Variants in ATG4D observed in about 807,000 individuals in gnomAD.
The protein encoded by ATG4D is cysteine protease ATG4D.
ATG4D carries 51 observed loss-of-function variants against 55.2 expected under a neutral mutation model. The ratio of observed to expected loss-of-function variants is 0.92; its 90% CI spans 0.74 to 1.17. ATG4D has a LOEUF of 1.17. ATG4D is among the 50% of genes most tolerant of loss of function. The pLI is 0.00. For missense variants in ATG4D, 635 were observed against 649.6 expected (o/e 0.98, Z 0.25); for synonymous variants, 268 against 266.2 (o/e 1.01, Z -0.07).
Position 10,544,320 on chromosome 19 carries a change from A to G in ATG4D, c.230A>G (p.Lys77Arg). 3 of 1,317,930 alleles carry G rather than the reference A, an allele frequency of 2.3e-6. No individual in the cohort carries two copies. Among genetic ancestry groups the G allele is most frequent in the Non-Finnish European group, 2.9e-6 (3 of 1,025,492 alleles). The allele number at this position is 1,317,930 out of a possible 1,614,324, so 81.6% of individuals were successfully genotyped here. A position where few individuals can be genotyped will look rare whatever the true frequency, so the allele number is the denominator to read the frequency against. Residue 77 changes from lysine (K) to arginine (R), a missense_variant, in exon 1 of 10, where the codon AAG becomes AGG. Coordinates refer to ENST00000309469, the MANE Select transcript of ATG4D (RefSeq NM_032885.6). ...TTCCTGACAGCCTGGAACAACGTCA[A>G]GTACGGTGAGGAGGGGGCCCGGAGA... Reference protein sequence around the residue: ...AKFLTAWNNVKYGWVVKSRTS... With the variant: ...AKFLTAWNNVRYGWVVKSRTS...
intron 1 of ATG4D, chr19:10,544,582 C>T: frequency 8.6e-7 from 1 of 1,159,792 alleles, no homozygotes; most frequent in Non-Finnish European, 1.2e-6. Context: ...GTACAATAAT[C>T]AGAACTACCT....
In ATG4D at chr19:10,552,095, G is replaced by A. The variant is rs1916274535; in HGVS notation, c.1096G>A (p.Val366Ile). The A allele has an allele frequency of 1.2e-6, 2 of 1,611,420 alleles. No individual in the cohort carries two copies. The highest frequency in any genetic ancestry group is 1.7e-6 in the Non-Finnish European group (2 of 1,179,980). Residue 366 changes from valine (V) to isoleucine (I), a missense_variant, in exon 8 of 10, where the codon GTC becomes ATC. Physicochemically the swap from Val to Ile is conservative, Grantham distance 29 (BLOSUM62 3). Coordinates refer to ENST00000309469, the MANE Select transcript of ATG4D (RefSeq NM_032885.6). ...TCACTACTGCCAGCCCACTGTGGAT[G>A]TCAGCCAGGCCGACTTCCCCCTGGA... ...DPHYCQPTVD[V>I]SQADFPLESF...
chr19:10,548,003 ATTTTTTTTTTTTTTTTTTTTTTTT>A (rs60924749), intron 5 of ATG4D, among the ~76,000 whole-genome samples: 40 of 34,998 alleles, frequency 1.1e-3, no homozygotes, highest in Admixed American at 1.8e-3. Context: ...AGCCCCTGTA[ATTTTTTTTTTTTTTTTTTTTTTTT>A]TTTTTTTTTT....
chr19:10,547,732 T>G (rs1916084951), intron 5 of ATG4D, among the ~76,000 whole-genome samples: 2 of 149,662 alleles, frequency 1.3e-5, no homozygotes, highest in Non-Finnish European at 3.0e-5. Context: ...CAGGTCACTC[T>G]GTCACCCAGG....
chr19:10,544,745 G>T, intron 1 of ATG4D, 38 bp from the exon 2 acceptor site: 1 of 1,611,770 alleles, frequency 6.2e-7, no homozygotes, highest in Non-Finnish European at 8.5e-7. Flanking sequence ...TCATGCAAGT[G>T]CTTCATCTCG....
chr19:10,549,125 T>C, intron 6 of ATG4D, 91 bp downstream of exon 6: 2 of 1,456,174 alleles, frequency 1.4e-6, no homozygotes, highest in Non-Finnish European at 9.2e-7. Context: ...GCAGCCCTCA[T>C]CACTTTTTTT....
At chr19:10,552,840 G>A (rs759927863) in intron 9 of ATG4D, 45 bp from the exon 10 acceptor site, 1 of 1,567,762 alleles carries the variant, frequency 6.4e-7, no homozygotes, top group Non-Finnish European at 8.7e-7. Context: ...AAGGAATATG[G>A]CTTGGCACTG....
At chr19:10,545,779 T>C (rs1182619038) in intron 3 of ATG4D, among the ~76,000 whole-genome samples, 1 of 151,098 alleles carries the variant, frequency 6.6e-6, no homozygotes, top group Non-Finnish European at 1.5e-5. Context: ...AAGCAGAGAA[T>C]TGCTTGAACC....
chr19:10,552,523 A>T (rs1288353109), intron 9 of ATG4D, among the ~76,000 whole-genome samples, 199 bp downstream of exon 9: 1 of 152,170 alleles, frequency 6.6e-6, no homozygotes, highest in Non-Finnish European at 1.5e-5. Flanking sequence ...CATCCCTTGG[A>T]GGCAGCTGTA....
Position 10,553,178 on chromosome 19 carries a change from C to T in ATG4D, c.*111C>T. The T allele has an allele frequency of 5.2e-6, 7 of 1,343,572 alleles. No homozygotes were observed. The South Asian group carries it at 1.0e-4, about 20-fold the overall frequency. The allele number at this position is 1,343,572 out of a possible 1,614,324, so 83.2% of individuals were successfully genotyped here. A position where few individuals can be genotyped will look rare whatever the true frequency, so the allele number is the denominator to read the frequency against. On this transcript the variant is annotated 3_prime_UTR_variant, in exon 10 of 10. Coordinates refer to ENST00000309469, the MANE Select transcript of ATG4D (RefSeq NM_032885.6). ...ATGATGGTACTTCCTGTTGTCAGCC[C>T]CTCAAGCCCAGCTGCAACCAGTCTG...
At chr19:10,545,756 A>G (rs1916012283) in intron 3 of ATG4D, among the ~76,000 whole-genome samples, 1 of 151,558 alleles carries the variant, frequency 6.6e-6, no homozygotes, top group Non-Finnish European at 1.5e-5. Context: ...GGCACCTGTA[A>G]TTTGGCAAGG....
At position 10,547,127 on chromosome 19, in the gene ATG4D, T is replaced by G; in HGVS notation, c.770+12T>G. 1 of 1,608,448 alleles carries G rather than the reference T, an allele frequency of 6.2e-7. No individual in the cohort carries two copies. The highest frequency in any genetic ancestry group is 2.2e-5 in the East Asian group (1 of 44,718). ...GCACACATCCTCAGGTGAGGGCTGC[T>G]GCAGGGATCACGGGAGTTGCTGGGT... On this transcript the variant is annotated intron_variant, in intron 4 of 9. Transcript: ENST00000309469.
rs1008272690 is a variant in ATG4D at position 10,553,310 on chromosome 19, G to A, written c.*243G>A. ...GGAGGACCCCGGGCACCCCCCTCAG[G>A]GCCTGACTCACGTACTGTAGTTTGC... On this transcript the variant is annotated 3_prime_UTR_variant, in exon 10 of 10. Transcript: ENST00000309469. The A allele has an allele frequency of 3.9e-6, 2 of 507,714 alleles. No individual in the cohort carries two copies. The highest frequency in any genetic ancestry group is 7.0e-6 in the Non-Finnish European group (2 of 286,596). 31.5% of individuals were successfully genotyped at this position (507,714 alleles called of 1,614,324 possible).
intron 8 of ATG4D, 24 bp from the exon 9 acceptor site, chr19:10,552,181 G>A: frequency 1.2e-6 from 2 of 1,610,804 alleles, no homozygotes; most frequent in East Asian, 2.2e-5. Context: ...CAGCCTCTGA[G>A]CCTTCCTCGT....
rs1916047787 is a variant in ATG4D, at chr19:10,546,890, C to T, written c.545C>T (p.Ser182Leu). ...MGLGPPELSGSASPSRYHGPA... is the reference protein window; with the variant it reads ...MGLGPPELSGLASPSRYHGPA... ...CTGGGCCCCCCTGAGCTGTCAGGGT[C>T]AGCCTCTCCCAGCCGGTACCATGGG... The change falls in exon 4 of 10, where the codon TCA (serine) becomes TTA (leucine). Residue 182 changes from serine to leucine, a missense_variant. Transcript: ENST00000309469. The T allele has an allele frequency of 1.2e-6, 2 of 1,608,034 alleles. No homozygotes were observed. The highest frequency in any genetic ancestry group is 2.2e-5 in the South Asian group (2 of 90,790).
At chr19:10,552,438 G>A (rs1916298980) in intron 9 of ATG4D, 114 bp downstream of exon 9, 2 of 1,378,170 alleles carry the variant, frequency 1.5e-6, no homozygotes, top group South Asian at 2.9e-5. Flanking sequence ...TCCAGGCTAG[G>A]GGTCCTAACC....
intron 1 of ATG4D, 123 bp downstream of exon 1, chr19:10,544,448 C>T: frequency 2.0e-6 from 2 of 983,084 alleles, no homozygotes; most frequent in African/African-American, 1.7e-5. Context: ...CCTCCCTGCC[C>T]GGCCCAGGGT....
chr19:10,550,544 CCTT>C (rs1257595985), intron 6 of ATG4D, among the ~76,000 whole-genome samples: 3 of 152,068 alleles, frequency 2.0e-5, no homozygotes, highest in African/African-American at 7.2e-5. Context: ...GTCCACACCA[CCTT>C]CTTGATGTCG....
chr19:10,552,316 C>T lies in ATG4D; in HGVS notation c.1234C>T (p.Leu412=), dbSNP rs752733894. ...RKEFETLCSE[L]TRVLSSSSAT... The stretch of plus-strand genomic sequence containing the variant: ...GGAGTTTGAGACACTCTGCTCAGAG[C>T]TGACCAGGGTGAGCAAGAGGAAAGC... The change falls in exon 9 of 10, where the codon CTG becomes TTG. Residue 412 remains leucine (L), a synonymous_variant. Coordinates refer to ENST00000309469, the MANE Select transcript of ATG4D (RefSeq NM_032885.6). The T allele has an allele frequency of 1.9e-6, 3 of 1,612,164 alleles. No homozygotes were observed. Among genetic ancestry groups the T allele is most frequent in the Non-Finnish European group, 8.5e-7 (1 of 1,179,590 alleles).
Sources: allele counts gnomAD v4.1 joint callset (sites outside exome capture counted in the v4.1 genomes callset), GRCh38; gene constraint gnomAD v4.1.1; transcripts MANE v1.5; gene names NCBI Gene and HGNC (gene_info 2026-07-23, HGNC 2026-07-21).